TRIM37: variants seen among roughly 807,000 people sequenced by gnomAD.
TRIM37 encodes tripartite motif containing 37.
TRIM37 carries 80 observed loss-of-function variants against 129.8 expected under a neutral mutation model. That is an observed-to-expected ratio of 0.62 (90% CI 0.51 to 0.74). The LOEUF is 0.74. Among genes scored for constraint, TRIM37 ranks in the 30% least tolerant of loss-of-function variants. The pLI, the probability that TRIM37 is intolerant of heterozygous loss-of-function variation, is 0.00. For missense variants in TRIM37, 1,054 were observed against 1,176.5 expected, an observed-to-expected ratio of 0.90 and a Z score of 1.52; for synonymous variants, 389 against 387.1, an observed-to-expected ratio of 1.00 and a Z score of -0.06.
chr17:58,975,841 G>A, the TRIM37 span, among the ~76,000 whole-genome samples: 2 of 152,270 alleles, frequency 1.3e-5, no homozygotes, highest in East Asian at 1.9e-4. Flanking sequence ...GCCTGGCTGG[G>A]AGACATTCAT....
intron 24 of TRIM37, among the ~76,000 whole-genome samples, chr17:58,991,043 C>T (rs1484512270): frequency 3.4e-5 from 5 of 147,310 alleles, no homozygotes; most frequent in African/African-American, 5.0e-5. Flanking sequence ...GGTGTGGTGG[C>T]GCACGCCTGT....
At chr17:58,976,921 T>G in the TRIM37 span, among the ~76,000 whole-genome samples, 1 of 152,164 alleles carries the variant, frequency 6.6e-6, no homozygotes, top group East Asian at 1.9e-4. Context: ...AATCATATAG[T>G]CAGGTAGAAT....
At chr17:58,995,228 A>G (rs983198017), downstream of TRIM37, among the ~76,000 whole-genome samples, 3 of 152,068 alleles carry the variant, frequency 2.0e-5, no homozygotes, top group African/African-American at 7.2e-5. Context: ...TACATTTTCT[A>G]TCTATCCATT....
intron 6 of TRIM37, among the ~76,000 whole-genome samples, chr17:59,080,569 G>T (rs1200079862): frequency 6.6e-6 from 1 of 152,178 alleles, no homozygotes; most frequent in Non-Finnish European, 1.5e-5. Context: ...AAGGCAGGTG[G>T]ATCACGACGT....
intron 19 of TRIM37, among the ~76,000 whole-genome samples, chr17:59,018,924 C>G (rs1160327593): frequency 1.3e-5 from 2 of 152,014 alleles, no homozygotes; most frequent in African/African-American, 4.8e-5. Context: ...AGAAACAAAC[C>G]CTTATATTTA....
chr17:58,985,793 A>G (rs1027822563), intron 24 of TRIM37, among the ~76,000 whole-genome samples: 16 of 152,186 alleles, frequency 1.1e-4, no homozygotes, highest in African/African-American at 3.9e-4. Context: ...ACATAGTTTC[A>G]AAAATCTTCA....
At chr17:59,075,610 G>A (rs2042751401) in intron 8 of TRIM37, 37 bp downstream of exon 8, 1 of 1,338,682 alleles carries the variant, frequency 7.5e-7, no homozygotes, top group South Asian at 1.2e-5. Flanking sequence ...GAGAAAAAAG[G>A]ATAAAGACTA....
At chr17:59,023,126 A>G (rs2036810669) in intron 19 of TRIM37, among the ~76,000 whole-genome samples, 1 of 151,960 alleles carries the variant, frequency 6.6e-6, no homozygotes, top group Non-Finnish European at 1.5e-5. Flanking sequence ...CCTAGGCTGG[A>G]GTGTGGTGGC....
chr17:58,990,801 A>G (rs1220363622), intron 24 of TRIM37, among the ~76,000 whole-genome samples: 2 of 151,078 alleles, frequency 1.3e-5, no homozygotes, highest in Admixed American at 6.6e-5. Context: ...AAAAAAAAAA[A>G]AAAGAAAGAA....
At chr17:58,996,335 T>C (rs565987783), downstream of TRIM37, among the ~76,000 whole-genome samples, 11 of 151,562 alleles carry the variant, frequency 7.3e-5, no homozygotes, top group South Asian at 4.2e-4. Flanking sequence ...CCGGGCGTGG[T>C]GGTGCATGCC....
At position 59,056,321 on chromosome 17, in the gene TRIM37, G is replaced by A. The variant is rs138157571; in HGVS notation, c.1199+554C>T. Among the ~76,000 whole-genome samples the A allele has an allele frequency of 9.6e-3, 1,461 of 151,780 alleles. 8 individuals carry two copies. Among genetic ancestry groups the A allele is most frequent in the Middle Eastern group, 0.02 (6 of 294 alleles). The stretch of plus-strand genomic sequence containing the variant: ...AGCCTCCATAGTAGATGGAAACACC[G>A]GCGCACCACTGCACCCAGCTTATCT... On this transcript the variant is annotated intron_variant, in intron 13 of 23. Coordinates refer to ENST00000262294, the MANE Select transcript of TRIM37 (RefSeq NM_015294.6).
At chr17:58,981,782 A>C (rs2031370422), downstream of TRIM37, 1 of 152,506 alleles carries the variant, frequency 6.6e-6, no homozygotes, top group South Asian at 2.1e-4. Flanking sequence ...TTAGCATTTT[A>C]GGAGACCGCT....
At chr17:59,070,425 G>A (rs1416847727) in intron 9 of TRIM37, among the ~76,000 whole-genome samples, 1 of 151,908 alleles carries the variant, frequency 6.6e-6, no homozygotes, top group East Asian at 1.9e-4. Context: ...TCTATACTAC[G>A]GAAGATGGAG....
downstream of TRIM37, chr17:58,980,733 T>C (rs1176228172): frequency 3.7e-6 from 6 of 1,614,042 alleles, no homozygotes; most frequent in African/African-American, 1.3e-5. The surrounding 1 kb of genome is among the most constrained non-coding windows in gnomAD (Gnocchi z 4.7). Flanking sequence ...AATGAACAGT[T>C]CAAATCCCCG....
intron 5 of TRIM37, among the ~76,000 whole-genome samples, chr17:59,082,713 T>C (rs2043404312): frequency 6.6e-6 from 1 of 152,210 alleles, no homozygotes; most frequent in Non-Finnish European, 1.5e-5. Flanking sequence ...TAAATTTTAA[T>C]ATAAGAAACC....
intron 24 of TRIM37, among the ~76,000 whole-genome samples, chr17:58,986,365 A>C (rs1295296588): frequency 6.7e-6 from 1 of 149,792 alleles, no homozygotes; most frequent in Non-Finnish European, 1.5e-5. Flanking sequence ...CACCCAGCTC[A>C]TTTTATTATT....
chr17:59,024,231 AAAAAAAAAT>A (rs1245100575), intron 19 of TRIM37, among the ~76,000 whole-genome samples: 1 of 151,630 alleles, frequency 6.6e-6, no homozygotes, highest in African/African-American at 2.4e-5. Flanking sequence ...AAAAAAAAAA[AAAAAAAAAT>A]TGCCACATTG....
intron 24 of TRIM37, chr17:58,983,942 C>T (rs1205501432): frequency 6.6e-6 from 1 of 152,520 alleles, no homozygotes; most frequent in African/African-American, 2.4e-5. Flanking sequence ...GGAGTCAGTC[C>T]CTAATTTACA....
rs752506797 is a variant in TRIM37 at position 59,012,397 on chromosome 17, C to T, written c.2626G>A (p.Glu876Lys). ...HLEGLQMTDL[E>K]NNSETGELQP... ...AACTCTCCAGTTTCAGAATTATTTT[C>T]CAAATCAGTCATCTGCAGTCCTTCC... The change falls in exon 22 of 24, where the codon GAA (glutamate) becomes AAA (lysine). Residue 876 changes from glutamate to lysine, a missense_variant. By Grantham distance (56) the Glu-to-Lys change is moderately conservative. Transcript: ENST00000262294. 2 of 1,612,594 alleles carry T rather than the reference C, an allele frequency of 1.2e-6. No homozygotes were observed.
Sources: gnomAD v4.1 joint callset for allele counts (sites outside exome capture counted in the v4.1 genomes callset) on GRCh38, gnomAD v4.1.1 for gene constraint, Gnocchi (gnomAD v3.1) non-coding constraint, MANE v1.5 for transcripts, NCBI Gene and HGNC (gene_info 2026-07-23, HGNC 2026-07-21) for gene names.